Variants in SPRY3 observed in about 807,000 individuals in gnomAD.
SPRY3 encodes the protein sprouty RTK signaling antagonist 3.
In SPRY3, 15 loss-of-function variants were observed where a neutral mutation model predicts 20.2. The ratio of observed to expected loss-of-function variants is 0.74; its 90% confidence interval spans 0.50 to 1.14. The LOEUF (loss-of-function observed/expected upper bound fraction) is 1.14, where lower values mean the gene tolerates loss of function less well. Ranked by LOEUF, SPRY3 falls within the 50% of genes most tolerant of loss-of-function variation. The pLI is 0.00. For missense variants in SPRY3, 364 were observed against 363.9 expected, an observed-to-expected ratio of 1.00 and a Z score of 0.00; for synonymous variants, 143 against 136.5, an observed-to-expected ratio of 1.05 and a Z score of -0.33.
At chrX:155,739,153 C>T (rs1006439584) in intron 2 of SPRY3, among the ~76,000 whole-genome samples, 7 of 152,114 alleles carry the variant, frequency 4.6e-5, no homozygotes, top group African/African-American at 1.7e-4. Context: ...AGGAGTTCTC[C>T]ATAAGGAAGC....
At chrX:155,768,228 T>C (rs1306268202) in intron 3 of SPRY3, 92 bp downstream of exon 2, 1 of 106 alleles carries the variant, frequency 9.4e-3, no homozygotes, top group African/African-American at 0.056. Flanking sequence ...GTGCTGTCTC[T>C]GTGTGCGTGT....
chrX:155,628,565 GA>G (rs1468256613), intron 1 of SPRY3, among the ~76,000 whole-genome samples: 1 of 112,008 alleles, frequency 8.9e-6, no homozygotes, highest in Non-Finnish European at 1.9e-5. Context: ...ACAAACATAT[GA>G]AAAAAATCTC....
At chrX:155,644,366 C>A (rs1254551528) in intron 1 of SPRY3, among the ~76,000 whole-genome samples, 2 of 108,956 alleles carry the variant, frequency 1.8e-5, no homozygotes, top group African/African-American at 3.3e-5. Flanking sequence ...TTGTTCAAGA[C>A]CCTGGGGCTC....
chrX:155,666,642 T>C (rs2068025444), intron 2 of SPRY3, among the ~76,000 whole-genome samples: 1 of 111,683 alleles, frequency 9.0e-6, no homozygotes, highest in Non-Finnish European at 1.9e-5. Flanking sequence ...TTGCTAACAA[T>C]GGTAACAACG....
intron 2 of SPRY3, among the ~76,000 whole-genome samples, chrX:155,750,146 G>C (rs2091254035): frequency 6.6e-6 from 1 of 151,868 alleles, no homozygotes; most frequent in Non-Finnish European, 1.5e-5. Flanking sequence ...GATGCAGCTA[G>C]AAGCCATTAT....
intron 1 of SPRY3, among the ~76,000 whole-genome samples, chrX:155,645,141 G>A (rs782654531): frequency 9.0e-6 from 1 of 111,707 alleles, no homozygotes; most frequent in Admixed American, 9.5e-5. Flanking sequence ...CTGGGAGTTA[G>A]GGCCTCACAA....
At chrX:155,773,438 T>C (rs2091396782) in intron 3 of SPRY3, among the ~76,000 whole-genome samples, 4 of 151,536 alleles carry the variant, frequency 2.6e-5, no homozygotes, top group Admixed American at 2.6e-4. Flanking sequence ...TCCATTTGTA[T>C]TAGAATTCTG....
At chrX:155,771,473 T>A (rs967322579) in intron 3 of SPRY3, among the ~76,000 whole-genome samples, 1 of 152,180 alleles carries the variant, frequency 6.6e-6, no homozygotes, top group Non-Finnish European at 1.5e-5. Flanking sequence ...TGAATCTAGT[T>A]TCCTTTGGGA....
chrX:155,745,253 A>G (rs1747614675), intron 2 of SPRY3, among the ~76,000 whole-genome samples: 1 of 152,094 alleles, frequency 6.6e-6, no homozygotes, highest in Admixed American at 6.6e-5. Context: ...CTTTCCTTGA[A>G]GCAGGGTAAA....
chrX:155,716,903 G>C (rs2091026694), intron 2 of SPRY3, among the ~76,000 whole-genome samples: 1 of 149,690 alleles, frequency 6.7e-6, no homozygotes, highest in Non-Finnish European at 1.5e-5. Flanking sequence ...GGAGGCTGAG[G>C]CGGGCGGATT....
intron 2 of SPRY3, among the ~76,000 whole-genome samples, chrX:155,743,161 A>G (rs1365285978): frequency 6.6e-6 from 1 of 152,156 alleles, no homozygotes; most frequent in African/African-American, 2.4e-5. Context: ...TAGAAATACA[A>G]ACAACCATCG....
chrX:155,700,159 G>A (rs1195284842), intron 2 of SPRY3, among the ~76,000 whole-genome samples: 1 of 108,627 alleles, frequency 9.2e-6, no homozygotes, highest in East Asian at 2.9e-4. Flanking sequence ...TTTCTCCAAA[G>A]AAGATAAACA....
At chrX:155,708,123 C>T (rs753549365) in intron 2 of SPRY3, among the ~76,000 whole-genome samples, 3 of 151,200 alleles carry the variant, frequency 2.0e-5, no homozygotes, top group African/African-American at 7.2e-5. Flanking sequence ...CTTAATTTAT[C>T]AGTCTCTACT....
chrX:155,660,610 T>G (rs2068006693), intron 2 of SPRY3, among the ~76,000 whole-genome samples: 2 of 111,744 alleles, frequency 1.8e-5, no homozygotes, highest in Admixed American at 1.9e-4. Context: ...TCTAGTGCTT[T>G]CAATGAGGTG....
chrX:155,718,638 T>C (rs306936), intron 2 of SPRY3, among the ~76,000 whole-genome samples: 15,352 of 152,062 alleles, frequency 0.1, 13 homozygotes, highest in South Asian at 0.18. Context: ...TATTAATAAA[T>C]ATGACATTTC....
chrX:155,617,819 G>T (rs966549394), intron 1 of SPRY3, among the ~76,000 whole-genome samples: 1 of 111,856 alleles, frequency 8.9e-6, no homozygotes, highest in African/African-American at 3.2e-5. Context: ...TCAGAATCCA[G>T]TAATAGGCCG....
intron 1 of SPRY3, among the ~76,000 whole-genome samples, chrX:155,637,612 A>T (rs2067927907): frequency 9.0e-6 from 1 of 111,387 alleles, no homozygotes; most frequent in South Asian, 3.8e-4. Flanking sequence ...TCAGATGAGC[A>T]TCATCAGGCC....
intron 1 of SPRY3, among the ~76,000 whole-genome samples, chrX:155,631,861 A>C (rs2067907516): frequency 9.0e-6 from 1 of 111,712 alleles, no homozygotes; most frequent in Admixed American, 9.5e-5. Context: ...GTAATGTGTA[A>C]TAATCACAAC....
intron 2 of SPRY3, among the ~76,000 whole-genome samples, chrX:155,720,409 T>C (rs1253402092): frequency 5.9e-5 from 9 of 152,128 alleles, no homozygotes; most frequent in African/African-American, 1.9e-4. Context: ...CCTGTCTGGT[T>C]TTGCCACCTG....
Sources: allele counts gnomAD v4.1 joint callset (sites outside exome capture counted in the v4.1 genomes callset), GRCh38; gene constraint gnomAD v4.1.1; transcripts MANE v1.5; gene names NCBI Gene and HGNC (gene_info 2026-07-23, HGNC 2026-07-21).